VAT1L: variants seen among roughly 807,000 people sequenced by gnomAD.
VAT1L encodes vesicle amine transport 1 like.
In VAT1L, 34 loss-of-function variants were observed where a neutral mutation model predicts 44.1. The observed-to-expected ratio is 0.77, with a 90% CI of 0.59 to 1.03. The LOEUF (loss-of-function observed/expected upper bound fraction) is 1.03, where lower values mean the gene tolerates loss of function less well. Ranked by LOEUF, VAT1L falls within the 50% of genes least tolerant of loss-of-function variation. VAT1L has a pLI of 0.00. For missense variants in VAT1L, 615 were observed against 538.8 expected (o/e 1.14, Z -1.40); for synonymous variants, 253 against 202.2 (o/e 1.25, Z -2.13).
intron 7 of VAT1L, among the ~76,000 whole-genome samples, chr16:77,945,863 C>A (rs1251783266): frequency 1.3e-5 from 2 of 149,224 alleles, no homozygotes; most frequent in East Asian, 4.0e-4. Flanking sequence ...AGTGCAGTGG[C>A]ACGATCTCAG....
intron 3 of VAT1L, among the ~76,000 whole-genome samples, chr16:77,829,079 C>T (rs951037129): frequency 1.3e-5 from 2 of 152,124 alleles, no homozygotes; most frequent in Non-Finnish European, 2.9e-5. Flanking sequence ...TGCAGAACTA[C>T]GATTCGTACC....
intron 1 of VAT1L, among the ~76,000 whole-genome samples, chr16:77,811,466 C>A: frequency 6.6e-6 from 1 of 152,092 alleles, no homozygotes; most frequent in East Asian, 1.9e-4. Flanking sequence ...GACACAGCGG[C>A]CTACCATGGT....
At chr16:77,960,691 T>C (rs1340697544) in intron 7 of VAT1L, among the ~76,000 whole-genome samples, 1 of 152,122 alleles carries the variant, frequency 6.6e-6, no homozygotes, top group Non-Finnish European at 1.5e-5. Context: ...GGGGAATGAA[T>C]AGAGGCCAGA....
chr16:77,944,769 T>C (rs756892552), intron 7 of VAT1L, among the ~76,000 whole-genome samples: 3 of 152,300 alleles, frequency 2.0e-5, no homozygotes, highest in Non-Finnish European at 2.9e-5. Context: ...TCTATTTTAG[T>C]TCCTTAAACA....
intron 1 of VAT1L, among the ~76,000 whole-genome samples, chr16:77,792,293 A>G (rs2015849029): frequency 6.6e-6 from 1 of 152,182 alleles, no homozygotes; most frequent in Non-Finnish European, 1.5e-5. Context: ...ATCATGTCAC[A>G]TCTGCTTAGT....
At chr16:77,902,836 G>A (rs1472700671) in intron 7 of VAT1L, among the ~76,000 whole-genome samples, 1 of 151,836 alleles carries the variant, frequency 6.6e-6, no homozygotes, top group Non-Finnish European at 1.5e-5. Flanking sequence ...AGCTGGGAAT[G>A]GTTGTCCACT....
intron 7 of VAT1L, among the ~76,000 whole-genome samples, chr16:77,949,879 T>C (rs1190733208): frequency 6.6e-6 from 1 of 152,190 alleles, no homozygotes; most frequent in Non-Finnish European, 1.5e-5. Flanking sequence ...TGTCCTGCCC[T>C]TTGTGAAGCA....
chr16:77,962,956 C>A (rs1021933085), intron 7 of VAT1L, among the ~76,000 whole-genome samples: 7 of 151,984 alleles, frequency 4.6e-5, no homozygotes, highest in African/African-American at 1.4e-4. Flanking sequence ...AAAAACAAAA[C>A]AAGAAAAGAA....
chr16:77,788,721 G>A lies in VAT1L; in HGVS notation c.39G>A (p.Glu13=), dbSNP rs773105084. ...GCGTGGAGAAGGCGGAGGAGACGGA[G>A]CAAATGATCGAGAAGGAGGCAGGCA... ...KEGVEKAEET[E]QMIEKEAGKE... is the part of the protein sequence containing the mutation. The change falls in exon 1 of 9, where the codon GAG becomes GAA. Residue 13 remains glutamate, a synonymous_variant. Transcript: ENST00000302536. 1.3e-6 allele frequency: 2 copies of A among 1,556,380 alleles called. No homozygotes were observed. The highest frequency in any genetic ancestry group is 1.4e-5 in the African/African-American group (1 of 73,726).
chr16:77,836,438 C>A (rs1231728707), intron 3 of VAT1L, among the ~76,000 whole-genome samples: 1 of 152,088 alleles, frequency 6.6e-6, no homozygotes, highest in Non-Finnish European at 1.5e-5. Context: ...ATAATCAAAG[C>A]GATGAGGATT....
At chr16:77,897,748 T>A (rs2017339139) in intron 7 of VAT1L, among the ~76,000 whole-genome samples, 1 of 152,206 alleles carries the variant, frequency 6.6e-6, no homozygotes, top group Non-Finnish European at 1.5e-5. Flanking sequence ...GTGCTGGGAT[T>A]CCAGGTGTGA....
intron 7 of VAT1L, among the ~76,000 whole-genome samples, chr16:77,911,788 G>C (rs1019913491): frequency 1.1e-4 from 17 of 152,280 alleles, no homozygotes; most frequent in African/African-American, 3.9e-4. Flanking sequence ...CCAGGGAGTG[G>C]GGTCAGCTGT....
intron 7 of VAT1L, among the ~76,000 whole-genome samples, chr16:77,886,141 C>T (rs890415217): frequency 3.9e-5 from 6 of 152,164 alleles, no homozygotes; most frequent in East Asian, 1.9e-4. Context: ...AGATGCTCAC[C>T]GTGATTCAAT....
intron 2 of VAT1L, 137 bp downstream of exon 2, chr16:77,817,187 A>G: frequency 7.4e-7 from 1 of 1,342,608 alleles, no homozygotes; most frequent in Non-Finnish European, 1.0e-6. Flanking sequence ...GACTGTTGAC[A>G]ATGTTTATAG....
chr16:77,829,791 G>A (rs1380875351), intron 3 of VAT1L, among the ~76,000 whole-genome samples: 4 of 152,164 alleles, frequency 2.6e-5, no homozygotes, highest in African/African-American at 9.7e-5. Context: ...AGTTTCTGGA[G>A]AGTGGCATTA....
At chr16:77,946,561 C>T (rs1014742387) in intron 7 of VAT1L, among the ~76,000 whole-genome samples, 3 of 152,008 alleles carry the variant, frequency 2.0e-5, no homozygotes, top group Non-Finnish European at 4.4e-5. Flanking sequence ...GGATTACAGG[C>T]GTGAGCCACA....
At chr16:77,847,055 G>A (rs148729992) in intron 3 of VAT1L, among the ~76,000 whole-genome samples, 1 of 152,208 alleles carries the variant, frequency 6.6e-6, no homozygotes, top group African/African-American at 2.4e-5. Context: ...TTTTTATAAA[G>A]AGCTTAGTAG....
chr16:77,795,301 A>G (rs1323425126), intron 1 of VAT1L, among the ~76,000 whole-genome samples: 1 of 152,058 alleles, frequency 6.6e-6, no homozygotes, highest in Non-Finnish European at 1.5e-5. Flanking sequence ...AAGATTGAGA[A>G]ATTAAGATTT....
chr16:77,909,887 C>T (rs1202397920), intron 7 of VAT1L, among the ~76,000 whole-genome samples: 1 of 152,170 alleles, frequency 6.6e-6, no homozygotes, highest in African/African-American at 2.4e-5. Flanking sequence ...CCCAGTCCAG[C>T]CTGCTCGCCC....
Sources: gnomAD v4.1 joint callset for allele counts (sites outside exome capture counted in the v4.1 genomes callset) on GRCh38, gnomAD v4.1.1 for gene constraint, MANE v1.5 for transcripts, NCBI Gene and HGNC (gene_info 2026-07-23, HGNC 2026-07-21) for gene names.